The following ETV1 variants were observed in gnomAD, a reference collection of about 807,000 sequenced individuals.
ETV1 encodes the protein ETS variant transcription factor 1, also known as ETS translocation variant 1.
In ETV1, 27 loss-of-function variants were observed where a neutral mutation model predicts 62.3. The observed-to-expected ratio is 0.43, with a 90% CI of 0.32 to 0.60. The LOEUF is 0.60. Ranked by LOEUF, ETV1 falls within the 20% of genes least tolerant of loss-of-function variation. ETV1 has a pLI of 0.06. For synonymous variants in ETV1, 222 were observed against 199.6 expected (o/e 1.11, Z -0.94); for missense variants, 605 against 605.8 (o/e 1.00, Z 0.01).
Position 13,909,702 on chromosome 7 carries a change from T to G in ETV1, c.872-2A>C. 1 of 1,609,842 alleles carries G rather than the reference T, an allele frequency of 6.2e-7. No individual in the cohort carries two copies. The highest frequency in any genetic ancestry group is 8.5e-7 in the Non-Finnish European group (1 of 1,176,498). ...TGGGGCCCTTTTCAAACATACAGCC[T>G]GTGGATGAAAAAGGAATACATTTAT... On this transcript the variant is annotated splice_acceptor_variant, in intron 10 of 13. Coordinates refer to ENST00000430479, the MANE Select transcript of ETV1 (RefSeq NM_004956.5). LOFTEE classifies it high-confidence loss of function.
At chr7:13,916,720 G>A (rs1784216731) in intron 9 of ETV1, among the ~76,000 whole-genome samples, 2 of 152,096 alleles carry the variant, frequency 1.3e-5, no homozygotes, top group South Asian at 4.1e-4. Flanking sequence ...ATTGAGCCCA[G>A]GAGTTCAAGA....
rs779524119 is a variant in ETV1, at chr7:13,911,249, G to C, written c.861C>G (p.Ser287Arg). 1 of 1,611,992 alleles carries C rather than the reference G, an allele frequency of 6.2e-7. No homozygotes were observed. The highest frequency in any genetic ancestry group is 8.5e-7 in the Non-Finnish European group (1 of 1,178,324). Residue 287 changes from serine to arginine, a missense_variant, in exon 10 of 14, where the codon AGC becomes AGG. Around this residue, in one of 3 missense-constraint regions of ETV1, gnomAD observed 426 missense variants for 377.8 expected, o/e 1.13. Transcript: ENST00000430479. The part of the protein sequence containing the change: ...MRQEGFLAHP[S>R]RTEGCMFEKG... ...TGGTGGACAACTTAACTTCTGTTCT[G>C]CTGGGATGAGCCAGGAAGCCTTCTT...
chr7:13,935,314 A>C (rs1774154848), intron 8 of ETV1, among the ~76,000 whole-genome samples: 1 of 152,210 alleles, frequency 6.6e-6, no homozygotes, highest in Non-Finnish European at 1.5e-5. Context: ...TAAGGTAGAA[A>C]ACCTAATTCC....
chr7:13,896,675 T>TAAAG (rs1562577442), intron 13 of ETV1, among the ~76,000 whole-genome samples: 3 of 19,404 alleles, frequency 1.5e-4, no homozygotes, highest in Non-Finnish European at 1.9e-4. Context: ...AGGAAAGAAA[T>TAAAG]AAAGAAAGAA....
rs1366887769 is a variant in ETV1 at position 13,979,020 on chromosome 7, C to T, written c.182-1540G>A. The stretch of plus-strand genomic sequence containing the variant: ...TTTTAACTGATACCTATTTGATCAG[C>T]CTATATTGCAAGGAGAATTTTTTTC... On this transcript the variant is annotated intron_variant, in intron 5 of 13. Transcript: ENST00000430479. Among the ~76,000 whole-genome samples, 5 of 152,136 alleles carry T rather than the reference C, an allele frequency of 3.3e-5. No individual in the cohort carries two copies. In the East Asian group the frequency reaches 9.7e-4, roughly 29 times the overall value.
At position 13,896,101 on chromosome 7, in the gene ETV1, G is replaced by A. The variant is rs1273311846; in HGVS notation, c.1213-14C>T. 12 of 1,604,888 alleles carry A rather than the reference G, an allele frequency of 7.5e-6. No homozygotes were observed. In the South Asian group the frequency reaches 1.1e-4, roughly 15 times the overall value. On this transcript the variant is annotated splice_polypyrimidine_tract_variant and intron_variant, in intron 13 of 13. Transcript: ENST00000430479. ...CTCTCCAGCCACCTGATGATAACAT[G>A]GAAGAGAAAAACCCATCCTCACCAT... is the stretch of plus-strand genomic sequence containing the variant.
chr7:13,962,428 A>G (rs2128484340), intron 6 of ETV1, among the ~76,000 whole-genome samples: 1 of 152,074 alleles, frequency 6.6e-6, no homozygotes, highest in East Asian at 1.9e-4. Flanking sequence ...CATCACGTTT[A>G]TATCATATGG....
chr7:13,943,466 T>C (rs1047578892), intron 6 of ETV1, among the ~76,000 whole-genome samples: 8 of 152,176 alleles, frequency 5.3e-5, no homozygotes, highest in Non-Finnish European at 1.0e-4. Context: ...TCTGGCAATA[T>C]CTACTAGGGC....
At chr7:13,950,938 ACAC>A (rs1788744074) in intron 6 of ETV1, among the ~76,000 whole-genome samples, 1 of 137,328 alleles carries the variant, frequency 7.3e-6, no homozygotes, top group Non-Finnish European at 1.6e-5. Context: ...ACACACACAC[ACAC>A]AATATCGAGC....
At chr7:13,983,511 T>C (rs969616311) in intron 5 of ETV1, among the ~76,000 whole-genome samples, 4 of 151,930 alleles carry the variant, frequency 2.6e-5, no homozygotes, top group African/African-American at 9.7e-5. Flanking sequence ...ATTGCCTTTC[T>C]GTCAGTAGCA....
chr7:13,920,254 T>C (rs192104234), intron 9 of ETV1, among the ~76,000 whole-genome samples: 208 of 152,306 alleles, frequency 1.4e-3, no homozygotes, highest in Middle Eastern at 3.4e-3. Context: ...TGTTTCTGAT[T>C]TGAGAATGTT....
At chr7:13,950,155 G>A (rs957624094) in intron 6 of ETV1, among the ~76,000 whole-genome samples, 1 of 152,098 alleles carries the variant, frequency 6.6e-6, no homozygotes, top group African/African-American at 2.4e-5. Flanking sequence ...TGTACTAAAG[G>A]AATCACAATT....
chr7:13,976,494 A>G (rs2128499901), intron 6 of ETV1, among the ~76,000 whole-genome samples: 1 of 152,370 alleles, frequency 6.6e-6, no homozygotes, highest in South Asian at 2.1e-4. Context: ...CATATCAAAC[A>G]TAAATGCTGA....
Position 13,939,111 on chromosome 7 carries a change from C to T in ETV1, c.365+6G>A, listed in dbSNP as rs183541803. 3,144 of 1,611,754 alleles carry T rather than the reference C, an allele frequency of 2.0e-3. 22 individuals carry two copies. Among genetic ancestry groups the T allele is most frequent in the South Asian group, 1.6e-3 (144 of 90,428 alleles). ...TATCCTACATACATACACCTGGTGG[C>T]TTTACCTGACATTGTACAGGCACTT... On this transcript the variant is annotated splice_donor_region_variant and intron_variant, in intron 7 of 13. Coordinates refer to ENST00000430479, the MANE Select transcript of ETV1 (RefSeq NM_004956.5).
At position 13,893,931 on chromosome 7, in the gene ETV1, G is replaced by A; in HGVS notation, c.*1935C>T. On this transcript the variant is annotated 3_prime_UTR_variant, in exon 14 of 14. Coordinates refer to ENST00000430479, the MANE Select transcript of ETV1 (RefSeq NM_004956.5). ...TGAACAACAATCATTGAAATCGCAGGTTACATACATATTTTGAAATTGGAG... is the reference window on the plus strand; with the variant it reads ...TGAACAACAATCATTGAAATCGCAGATTACATACATATTTTGAAATTGGAG... The A allele has an allele frequency of 4.3e-6, 1 of 233,148 alleles. No homozygotes were observed. Among genetic ancestry groups the A allele is most frequent in the East Asian group, 6.1e-5 (1 of 16,446 alleles). The allele number at this position is 233,148 out of a possible 1,614,324, so 14.4% of individuals were successfully genotyped here.
chr7:13,914,637 AG>A (rs1364747810), intron 9 of ETV1, among the ~76,000 whole-genome samples: 4 of 147,468 alleles, frequency 2.7e-5, no homozygotes, highest in Admixed American at 6.8e-5. Flanking sequence ...AAAAAAAAAA[AG>A]TTACCTTCTT....
intron 9 of ETV1, among the ~76,000 whole-genome samples, chr7:13,916,449 C>A (rs1187621634): frequency 6.6e-6 from 1 of 150,570 alleles, no homozygotes; most frequent in Non-Finnish European, 1.5e-5. Flanking sequence ...ACCACCCTAG[C>A]CAACATGGTG....
intron 6 of ETV1, among the ~76,000 whole-genome samples, chr7:13,956,925 G>A (rs1321080171): frequency 6.6e-6 from 1 of 150,708 alleles, no homozygotes; most frequent in African/African-American, 2.5e-5. Flanking sequence ...ATTGCAAAAT[G>A]TCAAAAAAAT....
intron 6 of ETV1, among the ~76,000 whole-genome samples, chr7:13,940,330 C>G (rs1787333694): frequency 6.6e-6 from 1 of 150,598 alleles, no homozygotes; most frequent in East Asian, 2.0e-4. Context: ...CCATTGCACT[C>G]CAGCCTGGGC....
Sources: gnomAD v4.1 joint callset for allele counts (sites outside exome capture counted in the v4.1 genomes callset) on GRCh38, gnomAD v4.1.1 for gene constraint, gnomAD v4.1.1 regional missense constraint, MANE v1.5 for transcripts, NCBI Gene and HGNC (gene_info 2026-07-23, HGNC 2026-07-21) for gene names.